LARP4B: variants seen among roughly 807,000 people sequenced by gnomAD.
LARP4B encodes the protein La ribonucleoprotein 4B.
A neutral mutation model predicts 89.8 loss-of-function variants in LARP4B; 12 were observed. The observed-to-expected ratio is 0.13, with a 90% CI of 0.09 to 0.22. The LOEUF (loss-of-function observed/expected upper bound fraction) is 0.22, where lower values mean the gene tolerates loss of function less well. Among genes scored for constraint, LARP4B ranks in the 10% least tolerant of loss-of-function variants. The pLI, the probability that LARP4B is intolerant of heterozygous loss-of-function variation, is 1.00. For missense variants in LARP4B, 757 were observed against 947.7 expected, an observed-to-expected ratio of 0.80 and a Z score of 2.64; for synonymous variants, 367 against 363.3, an observed-to-expected ratio of 1.01 and a Z score of -0.12.
At chr10:912,145 TCA>T (rs2132023431) in intron 1 of LARP4B, among the ~76,000 whole-genome samples, 1 of 152,310 alleles carries the variant, frequency 6.6e-6, no homozygotes, top group East Asian at 1.9e-4. Context: ...GACCCAAGAT[TCA>T]GTCTATTAAT....
intron 3 of LARP4B, among the ~76,000 whole-genome samples, chr10:884,023 T>G (rs1835777637): frequency 6.6e-6 from 1 of 152,222 alleles, no homozygotes; most frequent in South Asian, 2.1e-4. Flanking sequence ...GAATTCTACT[T>G]CCTTATTCTT....
chr10:955,083 CCTTCCCCAGGACAGCTCCCATCCACG>C, the LARP4B span, among the ~76,000 whole-genome samples: 44 of 105,690 alleles, frequency 4.2e-4, 1 homozygote, highest in East Asian at 7.0e-3. This position sits in a 1 kb window ranked among gnomAD's most constrained non-coding sequence, Gnocchi z 5.2. Context: ...TCCCATCCAC[CCTTCCCCAGGACAGCTCCCATCCACG>C]CTTCCCCAGG....
chr10:927,729 T>C (rs1349452814), intron 1 of LARP4B, among the ~76,000 whole-genome samples: 1 of 152,216 alleles, frequency 6.6e-6, no homozygotes, highest in Non-Finnish European at 1.5e-5. Context: ...AACAAGGTAT[T>C]TTCCAAAAAC....
intron 1 of LARP4B, among the ~76,000 whole-genome samples, chr10:918,971 C>T (rs1836904393): frequency 1.3e-5 from 2 of 152,024 alleles, no homozygotes; most frequent in South Asian, 4.1e-4. Flanking sequence ...GTCCCAGCTA[C>T]TAGGGAGGCT....
intron 1 of LARP4B, among the ~76,000 whole-genome samples, chr10:886,259 C>T (rs1000137732): frequency 3.3e-5 from 5 of 152,146 alleles, no homozygotes; most frequent in Non-Finnish European, 5.9e-5. Flanking sequence ...CAGAACAAAA[C>T]CACAATGATA....
In LARP4B at chr10:931,551, C is replaced by CCGGGA. The variant is rs1830613353; in HGVS notation, c.-164_-163insTCCCG. The stretch of plus-strand genomic sequence containing the variant: ...GAGACGGCAGGGAGAGGCGGCGCGG[C>CCGGGA]CGGGCCGGGCCGGGCCGGAGGTAGG... On this transcript the variant is annotated 5_prime_UTR_variant, in exon 1 of 18. Transcript: ENST00000316157. The CCGGGA allele has an allele frequency of 6.6e-6, 1 of 150,454 alleles. No individual in the cohort carries two copies. The highest frequency in any genetic ancestry group is 1.5e-5 in the Non-Finnish European group (1 of 67,088). The allele number at this position is 150,454 out of a possible 1,614,324, so 9.3% of individuals were successfully genotyped here.
upstream of LARP4B, among the ~76,000 whole-genome samples, chr10:935,273 C>T (rs1168580888): frequency 2.6e-5 from 4 of 152,118 alleles, no homozygotes; most frequent in Non-Finnish European, 5.9e-5. Context: ...TGGAGAGGTG[C>T]CCCAGCTCCA....
At chr10:911,430 C>T (rs938490411) in intron 1 of LARP4B, among the ~76,000 whole-genome samples, 2 of 152,110 alleles carry the variant, frequency 1.3e-5, no homozygotes, top group Non-Finnish European at 2.9e-5. Context: ...CTGAAACTCA[C>T]CTTAAAATGT....
At chr10:892,844 ATTG>A (rs1836072624) in intron 1 of LARP4B, among the ~76,000 whole-genome samples, 1 of 149,644 alleles carries the variant, frequency 6.7e-6, no homozygotes, top group Non-Finnish European at 1.5e-5. Flanking sequence ...CGGCAAAATT[ATTG>A]TTAATTTAAA....
chr10:982,109 TTTC>T, the LARP4B span, among the ~76,000 whole-genome samples: 7 of 145,372 alleles, frequency 4.8e-5, no homozygotes, highest in Admixed American at 1.4e-4. Context: ...TCTTTCTTTC[TTTC>T]TTTCTTTTTT....
chr10:829,324 A>G (rs900701563), intron 11 of LARP4B, 61 bp downstream of exon 11: 98 of 1,377,528 alleles, frequency 7.1e-5, no homozygotes, highest in Non-Finnish European at 9.2e-5. Context: ...GAGGATTTTA[A>G]TCCTTCAAAT....
chr10:914,592 C>G (rs1041449866), intron 1 of LARP4B, among the ~76,000 whole-genome samples: 2 of 151,716 alleles, frequency 1.3e-5, no homozygotes, highest in African/African-American at 4.8e-5. Flanking sequence ...GTCAGGAGTT[C>G]AAGACCAACC....
intron 1 of LARP4B, among the ~76,000 whole-genome samples, chr10:912,642 C>T (rs781238580): frequency 6.6e-4 from 95 of 143,322 alleles, no homozygotes; most frequent in Non-Finnish European, 4.5e-4. Flanking sequence ...GAGGCTGAGG[C>T]GGGCAGATCC....
intron 7 of LARP4B, among the ~76,000 whole-genome samples, chr10:839,860 T>C (rs1036041188): frequency 1.4e-4 from 21 of 152,172 alleles, no homozygotes; most frequent in African/African-American, 4.3e-4. Context: ...TCCACAGCAA[T>C]TTGTAGTGGT....
chr10:846,146 G>A (rs922987021), intron 5 of LARP4B, among the ~76,000 whole-genome samples: 1 of 152,132 alleles, frequency 6.6e-6, no homozygotes, highest in South Asian at 2.1e-4. Flanking sequence ...GTGTCTCCGG[G>A]TCACTCATCT....
At chr10:979,513 TG>T in the LARP4B span, among the ~76,000 whole-genome samples, 2 of 152,214 alleles carry the variant, frequency 1.3e-5, no homozygotes, top group African/African-American at 4.8e-5. Flanking sequence ...CCTCTATGGC[TG>T]TGGCTCCCAC....
Position 814,520 on chromosome 10 carries a change from A to C in LARP4B, c.1929+222T>G. ...ACCTCTATTGACCAACACTGAAATA[A>C]AAGGACTACATGGTGGTCTGAGAAA... is the stretch of plus-strand genomic sequence containing the variant. On this transcript the variant is annotated intron_variant, in intron 17 of 17. Transcript: ENST00000316157. The surrounding 1 kb of genome is among the most constrained non-coding windows in gnomAD (Gnocchi z 4.4). 4 of 928,264 alleles carry C rather than the reference A, an allele frequency of 4.3e-6. No homozygotes were observed. The highest frequency in any genetic ancestry group is 6.5e-6 in the Non-Finnish European group (4 of 614,310). 57.5% of individuals were successfully genotyped at this position (928,264 alleles called of 1,614,324 possible). A position where few individuals can be genotyped will look rare whatever the true frequency, so the allele number is the denominator to read the frequency against.
intron 7 of LARP4B, among the ~76,000 whole-genome samples, chr10:840,614 C>G (rs1401217660): frequency 1.9e-4 from 29 of 152,128 alleles, no homozygotes. Flanking sequence ...ATTAGCAGTT[C>G]AGTTACATGA....
At chr10:972,009 C>T in the LARP4B span, 470 of 84,000 alleles carry the variant, frequency 5.6e-3, 5 homozygotes, top group African/African-American at 0.022. Context: ...AAGTTCATTC[C>T]CATTCCTCTC....
Sources: allele counts gnomAD v4.1 joint callset (sites outside exome capture counted in the v4.1 genomes callset), GRCh38; gene constraint gnomAD v4.1.1; non-coding constraint Gnocchi (gnomAD v3.1); transcripts MANE v1.5; gene names NCBI Gene and HGNC (gene_info 2026-07-23, HGNC 2026-07-21).